The following EPB41L3 variants were observed in gnomAD, a reference collection of about 807,000 sequenced individuals.
EPB41L3 encodes the protein band 4.1-like protein 3.
A neutral mutation model predicts 127.1 loss-of-function variants in EPB41L3; 57 were observed. The observed-to-expected ratio is 0.45, with a 90% CI of 0.36 to 0.56. The LOEUF (loss-of-function observed/expected upper bound fraction) is 0.56, where lower values mean the gene tolerates loss of function less well. EPB41L3 is among the 20% of genes least tolerant of loss of function. EPB41L3 has a pLI of 0.00. For missense variants in EPB41L3, 1,273 were observed against 1,372.2 expected (o/e 0.93, Z 1.14); for synonymous variants, 572 against 549.5 (o/e 1.04, Z -0.57).
At chr18:5,438,000 T>A (rs773895519) in intron 6 of EPB41L3, 35 bp downstream of exon 6, 11 of 1,593,708 alleles carry the variant, frequency 6.9e-6, no homozygotes, top group Non-Finnish European at 9.5e-6. Context: ...ACTCTCCCAA[T>A]ATGCTTGTCT....
In EPB41L3 at chr18:5,397,263, T is replaced by C; in HGVS notation, c.2636A>G (p.Asp879Gly). 6 of 1,614,100 alleles carry C rather than the reference T, an allele frequency of 3.7e-6. No homozygotes were observed. Among genetic ancestry groups the C allele is most frequent in the South Asian group, 1.1e-5 (1 of 91,080 alleles). ...TGTGAATGCGGGCTGTGCTGCAGCA[T>C]CCCCGCTGTCTCCCGCCGAGTAAGA... ...DASYSAGDSG[D>G]AAAQPAFTGI... Residue 879 changes from aspartate (D) to glycine (G), a missense_variant, in exon 18 of 23, where the codon GAT becomes GGT. Asp to Gly is a moderately conservative substitution (Grantham distance 94, BLOSUM62 -1). Transcript: ENST00000341928. The surrounding 1 kb of genome is among the most constrained non-coding windows in gnomAD (Gnocchi z 4.1).
chr18:5,418,461 T>C (rs1031853952), intron 12 of EPB41L3, among the ~76,000 whole-genome samples: 1 of 152,214 alleles, frequency 6.6e-6, no homozygotes, highest in African/African-American at 2.4e-5. Context: ...GTTTATAAAA[T>C]GTTAGAATAA....
chr18:5,568,517 G>C (rs905157385), intron 3 of EPB41L3, among the ~76,000 whole-genome samples: 16 of 151,546 alleles, frequency 1.1e-4, no homozygotes, highest in Non-Finnish European at 4.4e-5. Flanking sequence ...TGTGAAATAA[G>C]GATCTCCATT....
At chr18:5,627,192 T>C (rs944416631) in intron 1 of EPB41L3, among the ~76,000 whole-genome samples, 1 of 152,114 alleles carries the variant, frequency 6.6e-6, no homozygotes, top group African/African-American at 2.4e-5. Context: ...TTTGCTGAGA[T>C]CCCTTAACTT....
chr18:5,443,899 T>C lies in EPB41L3; in HGVS notation c.487-19A>G. Reference sequence around the variant, plus strand: ...ACCAATTCTGAAAAGGAAATGACATTTTGAATTTGAATCAGAGGAGAATAA... The same window carrying C: ...ACCAATTCTGAAAAGGAAATGACATCTTGAATTTGAATCAGAGGAGAATAA... On this transcript the variant is annotated intron_variant, in intron 4 of 22. Coordinates refer to ENST00000341928, the MANE Select transcript of EPB41L3 (RefSeq NM_012307.5). 1 of 1,599,110 alleles carries C rather than the reference T, an allele frequency of 6.3e-7. No individual in the cohort carries two copies. Among genetic ancestry groups the C allele is most frequent in the Non-Finnish European group, 8.5e-7 (1 of 1,171,140 alleles).
intron 1 of EPB41L3, among the ~76,000 whole-genome samples, chr18:5,516,898 T>C (rs1042302213): frequency 1.3e-5 from 2 of 152,208 alleles, no homozygotes; most frequent in African/African-American, 4.8e-5. Context: ...AAAAATTCCA[T>C]TTTCCACAGA....
intron 20 of EPB41L3, 97 bp from the exon 21 acceptor site, chr18:5,395,244 C>A: frequency 9.8e-7 from 1 of 1,023,106 alleles, no homozygotes; most frequent in Admixed American, 1.7e-5. Flanking sequence ...ACATCATTCA[C>A]TCTTCGAGAA....
chr18:5,584,212 A>C (rs1234707669), intron 3 of EPB41L3, among the ~76,000 whole-genome samples: 2 of 152,216 alleles, frequency 1.3e-5, no homozygotes, highest in Non-Finnish European at 2.9e-5. Flanking sequence ...CAGCCAAGAC[A>C]GCCAATAGCT....
At chr18:5,428,135 T>A (rs2078478001) in intron 9 of EPB41L3, among the ~76,000 whole-genome samples, 178 bp downstream of exon 9, 1 of 152,158 alleles carries the variant, frequency 6.6e-6, no homozygotes, top group Non-Finnish European at 1.5e-5. Flanking sequence ...AACAATATAA[T>A]AAAGAAGAGA....
intron 3 of EPB41L3, among the ~76,000 whole-genome samples, chr18:5,593,320 G>A (rs938795584): frequency 2.0e-5 from 3 of 152,072 alleles, no homozygotes; most frequent in South Asian, 2.1e-4. Context: ...TAAAGGGAGA[G>A]AGTACAAAAG....
At chr18:5,582,970 T>C (rs116018544) in intron 3 of EPB41L3, among the ~76,000 whole-genome samples, 4 of 152,100 alleles carry the variant, frequency 2.6e-5, no homozygotes, top group Non-Finnish European at 4.4e-5. Context: ...ACAGCTACCA[T>C]AGGGTGATGG....
At chr18:5,470,232 C>T (rs1372299379) in intron 3 of EPB41L3, among the ~76,000 whole-genome samples, 1 of 152,196 alleles carries the variant, frequency 6.6e-6, no homozygotes, top group African/African-American at 2.4e-5. Flanking sequence ...AAAGGTCATT[C>T]CCAATGTCCC....
At chr18:5,411,767 T>A (rs1228643740) in intron 13 of EPB41L3, among the ~76,000 whole-genome samples, 2 of 152,144 alleles carry the variant, frequency 1.3e-5, no homozygotes, top group Non-Finnish European at 2.9e-5. Context: ...AAGGGGCAAC[T>A]GGGACAGTGT....
intron 3 of EPB41L3, among the ~76,000 whole-genome samples, chr18:5,595,512 G>C (rs1412197058): frequency 6.6e-6 from 1 of 152,032 alleles, no homozygotes; most frequent in African/African-American, 2.4e-5. Context: ...TCTACCCTAG[G>C]GGCCATCTCA....
At chr18:5,480,232 A>T (rs2147974365) in intron 2 of EPB41L3, 2 of 152,302 alleles carry the variant, frequency 1.3e-5, no homozygotes, top group South Asian at 4.1e-4. Flanking sequence ...GTTTCTGGGA[A>T]CACTGGAAAC....
At chr18:5,504,598 G>A (rs919290010) in intron 1 of EPB41L3, among the ~76,000 whole-genome samples, 1 of 152,174 alleles carries the variant, frequency 6.6e-6, no homozygotes, top group Non-Finnish European at 1.5e-5. Context: ...TGGAAAAAGA[G>A]TATAAAAGAG....
chr18:5,398,989 C>T (rs8085072), intron 16 of EPB41L3: 7,243 of 399,038 alleles, frequency 0.018, 441 homozygotes, highest in African/African-American at 0.13. Flanking sequence ...TTCTCATCAG[C>T]GAGGGTTTCC....
chr18:5,407,385 C>A, intron 15 of EPB41L3: 1 of 417,968 alleles, frequency 2.4e-6, no homozygotes, highest in East Asian at 4.0e-5. Flanking sequence ...AGGTATTACA[C>A]TAAAAGAAAA....
chr18:5,620,423 C>T (rs753395410), intron 1 of EPB41L3, among the ~76,000 whole-genome samples: 1 of 152,286 alleles, frequency 6.6e-6, no homozygotes, highest in Admixed American at 6.5e-5. Flanking sequence ...CAAAACAAAA[C>T]GTCATGATAC....
Sources: allele counts gnomAD v4.1 joint callset (sites outside exome capture counted in the v4.1 genomes callset), GRCh38; gene constraint gnomAD v4.1.1; non-coding constraint Gnocchi (gnomAD v3.1); transcripts MANE v1.5; gene names NCBI Gene and HGNC (gene_info 2026-07-23, HGNC 2026-07-21).